The following VRK2 variants were observed in gnomAD, a reference collection of about 807,000 sequenced individuals.
VRK2 encodes VRK serine/threonine kinase 2.
Under a neutral mutation model 57.6 loss-of-function variants are expected in VRK2, and 60 were observed. The ratio of observed to expected loss-of-function variants is 1.04; its 90% CI spans 0.85 to 1.29. The LOEUF (loss-of-function observed/expected upper bound fraction) is 1.29, where lower values mean the gene tolerates loss of function less well. VRK2 is among the 50% of genes most tolerant of loss of function. VRK2 has a pLI of 0.00. For synonymous variants in VRK2, 231 were observed against 199.2 expected (o/e 1.16, Z -1.35); for missense variants, 705 against 588.1 (o/e 1.20, Z -2.06).
intron 12 of VRK2, among the ~76,000 whole-genome samples, chr2:58,149,428 A>G (rs186405271): frequency 6.6e-6 from 1 of 151,756 alleles, no homozygotes; most frequent in African/African-American, 2.4e-5. Flanking sequence ...AATAGGTTTT[A>G]TTATTTTTTA....
intron 2 of VRK2, among the ~76,000 whole-genome samples, chr2:58,066,721 G>A (rs2103948076): frequency 6.6e-6 from 1 of 152,118 alleles, no homozygotes; most frequent in East Asian, 1.9e-4. Context: ...TTTTCAGAAA[G>A]GCATTCTTTT....
chr2:57,961,801 G>T (rs7579218), intron 1 of VRK2, among the ~76,000 whole-genome samples: 9,045 of 152,232 alleles, frequency 0.059, 902 homozygotes, highest in African/African-American at 0.21. Flanking sequence ...TGTGGGCTGG[G>T]GGCAGTGGCT....
rs61425030 is a variant in VRK2 at position 58,117,740 on chromosome 2, T to G, written c.544-5361T>G. Among the ~76,000 whole-genome samples, 277 of 152,212 alleles carry G rather than the reference T, an allele frequency of 1.8e-3. 1 individual carries two copies. Among genetic ancestry groups the G allele is most frequent in the African/African-American group, 6.2e-3 (259 of 41,528 alleles). ...TTTGGAACTACTGTCAAGTTTGTAT[T>G]GGGGTCAAGCGGCATTGCAGAAGAA... On this transcript the variant is annotated intron_variant, in intron 7 of 12. Coordinates refer to ENST00000340157, the MANE Select transcript of VRK2 (RefSeq NM_006296.7).
At chr2:58,090,464 A>G (rs1386525691) in intron 7 of VRK2, among the ~76,000 whole-genome samples, 1 of 152,060 alleles carries the variant, frequency 6.6e-6, no homozygotes, top group Non-Finnish European at 1.5e-5. Context: ...GTAATGATGA[A>G]AATATTCTGT....
chr2:58,149,364 A>G (rs1682652931), intron 12 of VRK2, among the ~76,000 whole-genome samples: 1 of 151,786 alleles, frequency 6.6e-6, no homozygotes, highest in African/African-American at 2.4e-5. Flanking sequence ...GTTATATTTG[A>G]TATACAATAT....
chr2:58,094,108 A>C (rs571420193), intron 7 of VRK2, among the ~76,000 whole-genome samples: 1 of 152,294 alleles, frequency 6.6e-6, no homozygotes, highest in African/African-American at 2.4e-5. Context: ...TGATGCCTCC[A>C]GCTTTGTTCT....
chr2:57,953,028 T>C (rs886567168), intron 1 of VRK2, among the ~76,000 whole-genome samples: 1 of 152,210 alleles, frequency 6.6e-6, no homozygotes, highest in African/African-American at 2.4e-5. Flanking sequence ...GTGGCCATGA[T>C]AACTTTATGC....
intron 1 of VRK2, among the ~76,000 whole-genome samples, chr2:57,999,166 A>T (rs1162842191): frequency 6.6e-6 from 1 of 152,134 alleles, no homozygotes; most frequent in East Asian, 1.9e-4. Flanking sequence ...CTCCATCTTA[A>T]ATCAACTTCG....
chr2:57,935,881 G>A (rs1356395660), intron 1 of VRK2, among the ~76,000 whole-genome samples: 1 of 152,194 alleles, frequency 6.6e-6, no homozygotes, highest in Non-Finnish European at 1.5e-5. Context: ...AAGTGAAACT[G>A]TTTTATTAAC....
At chr2:58,061,453 A>G (rs1412423646) in intron 2 of VRK2, among the ~76,000 whole-genome samples, 3 of 151,980 alleles carry the variant, frequency 2.0e-5, no homozygotes, top group Admixed American at 6.6e-5. Context: ...CTACATTGGA[A>G]AAAAAGTCTG....
chr2:57,993,770 A>G (rs1162427333), intron 1 of VRK2, among the ~76,000 whole-genome samples: 1 of 152,208 alleles, frequency 6.6e-6, no homozygotes, highest in Non-Finnish European at 1.5e-5. Context: ...GTTCATCCTT[A>G]TGGCACTAGC....
At chr2:58,008,084 A>T (rs1032821376) in intron 1 of VRK2, among the ~76,000 whole-genome samples, 3 of 152,166 alleles carry the variant, frequency 2.0e-5, no homozygotes, top group Admixed American at 2.0e-4. Flanking sequence ...TTAAAGAACT[A>T]TAAGTTGTAA....
At chr2:58,119,245 C>T (rs1306598718) in intron 7 of VRK2, among the ~76,000 whole-genome samples, 1 of 151,838 alleles carries the variant, frequency 6.6e-6, no homozygotes, top group Non-Finnish European at 1.5e-5. Flanking sequence ...CGCCTGTAAT[C>T]CCAGCACTTT....
intron 1 of VRK2, among the ~76,000 whole-genome samples, chr2:57,972,221 T>C (rs1265424330): frequency 2.1e-5 from 3 of 141,538 alleles, no homozygotes; most frequent in Non-Finnish European, 3.1e-5. Flanking sequence ...TTTCAGTAGA[T>C]AAATCTATGA....
intron 1 of VRK2, among the ~76,000 whole-genome samples, chr2:57,946,601 T>G (rs1371885207): frequency 6.6e-6 from 1 of 152,160 alleles, no homozygotes; most frequent in East Asian, 1.9e-4. Context: ...AAAAGAATCC[T>G]GATTATCAAT....
intron 2 of VRK2, among the ~76,000 whole-genome samples, chr2:58,081,217 A>G (rs142054845): frequency 1.9e-3 from 289 of 152,116 alleles, no homozygotes; most frequent in Middle Eastern, 0.01. Flanking sequence ...ACTATCAGCT[A>G]TGTACATAAC....
chr2:58,061,671 T>C (rs1239200606), intron 2 of VRK2, among the ~76,000 whole-genome samples: 1 of 151,882 alleles, frequency 6.6e-6, no homozygotes. Context: ...GTATATAGGG[T>C]AAAAGGTTAG....
At chr2:57,953,019 T>C (rs749639128) in intron 1 of VRK2, among the ~76,000 whole-genome samples, 9 of 152,184 alleles carry the variant, frequency 5.9e-5, no homozygotes, top group Non-Finnish European at 1.0e-4. Flanking sequence ...GAGTGATGTG[T>C]GGCCATGATA....
intron 3 of VRK2, among the ~76,000 whole-genome samples, chr2:58,034,997 C>A (rs1262502858): frequency 1.3e-5 from 2 of 151,930 alleles, no homozygotes; most frequent in African/African-American, 4.8e-5. Flanking sequence ...TGAGATTTAT[C>A]TTTAGCCCTA....
Sources: allele counts gnomAD v4.1 joint callset (sites outside exome capture counted in the v4.1 genomes callset), GRCh38; gene constraint gnomAD v4.1.1; transcripts MANE v1.5; gene names NCBI Gene and HGNC (gene_info 2026-07-23, HGNC 2026-07-21).